The following RAB7A variants were observed in gnomAD, a reference collection of about 807,000 sequenced individuals.
The protein encoded by RAB7A is RAB7A, member RAS oncogene family.
RAB7A carries 2 observed loss-of-function variants against 24.5 expected under a neutral mutation model. That is an observed-to-expected ratio of 0.08 (90% CI 0.03 to 0.26). The LOEUF (loss-of-function observed/expected upper bound fraction) is 0.26. Among genes scored for constraint, RAB7A ranks in the 10% least tolerant of loss-of-function variants. The pLI is 1.00. For missense variants in RAB7A, 118 were observed against 255.7 expected, an observed-to-expected ratio of 0.46 and a Z score of 3.67; for synonymous variants, 100 against 95.9, an observed-to-expected ratio of 1.04 and a Z score of -0.25.
chr3:128,729,764 C>T (rs918463050), intron 1 of RAB7A, among the ~76,000 whole-genome samples: 1 of 152,126 alleles, frequency 6.6e-6, no homozygotes, highest in African/African-American at 2.4e-5. Flanking sequence ...TTTATCTCCC[C>T]ATTCATTTAA....
intron 1 of RAB7A, among the ~76,000 whole-genome samples, chr3:128,751,348 C>T (rs977049480): frequency 1.3e-5 from 2 of 152,144 alleles, no homozygotes; most frequent in African/African-American, 4.8e-5. Flanking sequence ...GGAGGCTGTA[C>T]CCTGCAAAGC....
chr3:128,744,246 G>C (rs1282489021), intron 1 of RAB7A, among the ~76,000 whole-genome samples: 1 of 152,102 alleles, frequency 6.6e-6, no homozygotes, highest in East Asian at 1.9e-4. Context: ...GTGAGACCCA[G>C]TCTCAAAAAG....
intron 1 of RAB7A, among the ~76,000 whole-genome samples, chr3:128,732,883 A>G (rs2070452751): frequency 6.6e-6 from 1 of 152,292 alleles, no homozygotes; most frequent in South Asian, 2.1e-4. Context: ...ACTGTGGAGG[A>G]GACCAGATAC....
intron 1 of RAB7A, among the ~76,000 whole-genome samples, chr3:128,792,808 C>T (rs191091167): frequency 2.9e-4 from 43 of 149,770 alleles, no homozygotes; most frequent in Admixed American, 1.5e-3. Flanking sequence ...AGGCACCCAC[C>T]GAGCTAATTT....
In RAB7A at chr3:128,813,140, T is replaced by A. The variant is rs80346717; in HGVS notation, c.529-187T>A. Reference sequence around the variant, plus strand: ...GTCACAAAATCTGTTTTTCTCTTGCTACTCCCCTGAGCATGGCACCTTCTG... The same window carrying A: ...GTCACAAAATCTGTTTTTCTCTTGCAACTCCCCTGAGCATGGCACCTTCTG... On this transcript the variant is annotated intron_variant, in intron 5 of 5. Transcript: ENST00000265062. Among the ~76,000 whole-genome samples, 1,289 of 152,340 alleles carry A rather than the reference T, an allele frequency of 8.5e-3. 23 individuals are homozygous for A. Among genetic ancestry groups the A allele is most frequent in the African/African-American group, 0.029 (1,215 of 41,566 alleles).
rs112000804 is a variant in RAB7A, at chr3:128,726,339, G to T, written c.-29G>T. On this transcript the variant is annotated 5_prime_UTR_variant, in exon 1 of 6. Transcript: ENST00000265062. ...GCCCTCGCGACGCGCCCGGCCCGGA[G>T]CCCCCAGCGCAGCGGCCGCGGTAAG... is the stretch of plus-strand genomic sequence containing the variant. 1,953 of 152,332 alleles carry T rather than the reference G, an allele frequency of 0.013. 28 individuals carry two copies. Among genetic ancestry groups the T allele is most frequent in the Non-Finnish European group, 0.017 (1,188 of 68,140 alleles). The allele number at this position is 152,332 out of a possible 1,614,324, so 9.4% of individuals were successfully genotyped here. A position where few individuals can be genotyped will look rare whatever the true frequency, so the allele number is the denominator to read the frequency against.
intron 1 of RAB7A, among the ~76,000 whole-genome samples, chr3:128,731,385 C>A (rs73196978): frequency 0.041 from 6,311 of 152,258 alleles, 177 homozygotes; most frequent in Non-Finnish European, 0.058. Context: ...AACTGCGGGT[C>A]ATTTAAAACC....
chr3:128,777,130 T>C (rs550871850), intron 1 of RAB7A, among the ~76,000 whole-genome samples: 40 of 152,318 alleles, frequency 2.6e-4, no homozygotes, highest in African/African-American at 7.0e-4. Context: ...TTATCAGATA[T>C]ATGTTTTGCA....
chr3:128,804,975 G>A (rs1035150879), intron 3 of RAB7A, among the ~76,000 whole-genome samples: 2 of 152,196 alleles, frequency 1.3e-5, no homozygotes, highest in Admixed American at 6.5e-5. Flanking sequence ...ACGGGGTAGA[G>A]GGGAGGAACT....
rs760208660 is a variant in RAB7A, at chr3:128,806,602, C to T, written c.399+12C>T. 1.1e-5 allele frequency: 17 copies of T among 1,606,080 alleles called. No homozygotes were observed. The highest frequency in any genetic ancestry group is 1.3e-5 in the African/African-American group (1 of 74,874). ...TCGAAAACAGACAAGTAAGTACCAA[C>T]GATGATAGATATTGTCACAGACACC... On this transcript the variant is annotated intron_variant, in intron 4 of 5. Transcript: ENST00000265062.
At chr3:128,788,286 A>G (rs951284452) in intron 1 of RAB7A, among the ~76,000 whole-genome samples, 2 of 152,218 alleles carry the variant, frequency 1.3e-5, no homozygotes, top group Non-Finnish European at 2.9e-5. Flanking sequence ...AAAATTGTTG[A>G]CTTAATAAGG....
chr3:128,747,269 G>T (rs548017546), intron 1 of RAB7A, among the ~76,000 whole-genome samples: 1 of 151,530 alleles, frequency 6.6e-6, no homozygotes, highest in South Asian at 2.1e-4. Context: ...TCCAGCCTGG[G>T]TGACAGAACA....
chr3:128,763,624 C>G (rs9852854), intron 1 of RAB7A, among the ~76,000 whole-genome samples: 1 of 152,044 alleles, frequency 6.6e-6, no homozygotes, highest in Non-Finnish European at 1.5e-5. Context: ...TAGTCACAGC[C>G]ATATCACTGC....
In RAB7A at chr3:128,806,102, C is replaced by T. The variant is rs73198862; in HGVS notation, c.181-270C>T. On this transcript the variant is annotated intron_variant, in intron 3 of 5. Transcript: ENST00000265062. ...TTTTACACACTTACCTACATGTGACCACTACTTGGATCAAGATATAAGAAA... is the reference window on the plus strand; with the variant it reads ...TTTTACACACTTACCTACATGTGACTACTACTTGGATCAAGATATAAGAAA... Among the ~76,000 whole-genome samples the T allele has an allele frequency of 0.042, 6,320 of 152,230 alleles. 180 individuals are homozygous for T. The highest frequency in any genetic ancestry group is 0.058 in the Non-Finnish European group (3,938 of 68,016).
chr3:128,754,725 T>C (rs962090360), intron 1 of RAB7A, among the ~76,000 whole-genome samples: 6 of 152,184 alleles, frequency 3.9e-5, no homozygotes, highest in Non-Finnish European at 7.4e-5. Context: ...TCTCTTCATA[T>C]AGTAACCAAA....
chr3:128,744,153 T>C (rs187481128), intron 1 of RAB7A, among the ~76,000 whole-genome samples: 23 of 151,384 alleles, frequency 1.5e-4, no homozygotes, highest in Non-Finnish European at 2.8e-4. Context: ...CTTGGGAGGC[T>C]AGAGTGGGAG....
chr3:128,742,879 G>A (rs2070568572), intron 1 of RAB7A, among the ~76,000 whole-genome samples: 1 of 152,228 alleles, frequency 6.6e-6, no homozygotes, highest in Non-Finnish European at 1.5e-5. Context: ...CGGATCCCGT[G>A]CCAGGGCCAC....
intron 1 of RAB7A, among the ~76,000 whole-genome samples, chr3:128,763,821 T>G (rs1430737779): frequency 6.6e-6 from 1 of 151,842 alleles, no homozygotes; most frequent in Non-Finnish European, 1.5e-5. Flanking sequence ...TTTCAATCAT[T>G]TTAAATACAT....
intron 4 of RAB7A, 110 bp downstream of exon 4, chr3:128,806,700 A>G (rs1223247080): frequency 2.4e-5 from 27 of 1,112,300 alleles, no homozygotes; most frequent in Non-Finnish European, 1.3e-6. Flanking sequence ...TGCTGGTGGG[A>G]GTCTTCATTA....
Sources: allele counts gnomAD v4.1 joint callset (sites outside exome capture counted in the v4.1 genomes callset), GRCh38; gene constraint gnomAD v4.1.1; transcripts MANE v1.5; gene names NCBI Gene and HGNC (gene_info 2026-07-23, HGNC 2026-07-21).